The following MED13 variants were observed in gnomAD, a reference collection of about 807,000 sequenced individuals.
MED13 encodes mediator complex subunit 13.
Under a neutral mutation model 225.2 loss-of-function variants are expected in MED13, and 23 were observed. The observed-to-expected ratio is 0.10, with a 90% CI of 0.07 to 0.14. The LOEUF is 0.14. MED13 is among the 10% of genes least tolerant of loss of function. The pLI, the probability that MED13 is intolerant of heterozygous loss-of-function variation, is 1.00. For missense variants in MED13, 2,197 were observed against 2,594.5 expected, an observed-to-expected ratio of 0.85 and a Z score of 3.33; for synonymous variants, 942 against 889.2, an observed-to-expected ratio of 1.06 and a Z score of -1.06.
At chr17:62,043,156 C>CAAAAAAAAAAAAAAAAAAAAAAAAAAA (rs764530614) in intron 3 of MED13, among the ~76,000 whole-genome samples, 1 of 31,662 alleles carries the variant, frequency 3.2e-5, no homozygotes, top group Non-Finnish European at 5.6e-5. Context: ...ACCCTGTCTC[C>CAAAAAAAAAAAAAAAAAAAAAAAAAAA]AAAAAAAAAA....
At chr17:61,979,728 T>G (rs1319413158) in intron 16 of MED13, among the ~76,000 whole-genome samples, 1 of 152,146 alleles carries the variant, frequency 6.6e-6, no homozygotes, top group Non-Finnish European at 1.5e-5. Flanking sequence ...CCCAGAAAAT[T>G]GTCTAAGTTT....
At chr17:61,956,746 A>C (rs1283108335) in intron 23 of MED13, among the ~76,000 whole-genome samples, 2 of 152,060 alleles carry the variant, frequency 1.3e-5, no homozygotes, top group Admixed American at 6.6e-5. Flanking sequence ...TCACCGCGTT[A>C]GCCAGGATGG....
chr17:62,046,288 G>GT lies in MED13; in HGVS notation c.470+6248dup, dbSNP rs576991509. 9.9e-5 allele frequency among the ~76,000 whole-genome samples: 15 copies of GT among 152,222 alleles called. No homozygotes were observed. In the South Asian group the frequency reaches 2.1e-3, roughly 21 times the overall value. On this transcript the variant is annotated intron_variant, in intron 3 of 29. Coordinates refer to ENST00000397786, the MANE Select transcript of MED13 (RefSeq NM_005121.3). ...TTGCTTTTCCAAAGAAGGAAAAAGG[G>GT]TAAGAAAGTTCCTGTAAAAAAGAGA...
At chr17:62,007,764 C>T (rs1053634798) in intron 9 of MED13, among the ~76,000 whole-genome samples, 5 of 151,944 alleles carry the variant, frequency 3.3e-5, no homozygotes, top group African/African-American at 9.7e-5. Context: ...AGGAAAATGG[C>T]GTGAACCCGG....
chr17:61,991,998 A>G (rs1184101410), intron 11 of MED13, among the ~76,000 whole-genome samples: 5 of 152,246 alleles, frequency 3.3e-5, no homozygotes, highest in African/African-American at 7.2e-5. Context: ...GAGAACTGAT[A>G]GTCTTCGAAT....
chr17:62,042,298 T>G (rs1288599837), intron 3 of MED13, among the ~76,000 whole-genome samples: 1 of 152,102 alleles, frequency 6.6e-6, no homozygotes, highest in African/African-American at 2.4e-5. Flanking sequence ...GCACGGGGGC[T>G]GATGCCTGTA....
At chr17:62,054,927 G>A (rs1200397899) in intron 2 of MED13, among the ~76,000 whole-genome samples, 1 of 152,112 alleles carries the variant, frequency 6.6e-6, no homozygotes, top group East Asian at 1.9e-4. Context: ...AAGCATCAAA[G>A]ACCCAAGACA....
intron 16 of MED13, among the ~76,000 whole-genome samples, chr17:61,976,859 T>C (rs1199108178): frequency 6.6e-6 from 1 of 152,002 alleles, no homozygotes; most frequent in Non-Finnish European, 1.5e-5. Context: ...GTGATCCCGG[T>C]AGGCGGAGCT....
chr17:62,000,480 T>G (rs1466803002), intron 9 of MED13, among the ~76,000 whole-genome samples: 1 of 152,170 alleles, frequency 6.6e-6, no homozygotes, highest in Non-Finnish European at 1.5e-5. Context: ...ATAGCTAAAG[T>G]CATGTAGTAC....
chr17:61,947,106 A>C (rs1224325623), intron 28 of MED13, 89 bp from the exon 29 acceptor site: 1 of 855,856 alleles, frequency 1.2e-6, no homozygotes, highest in Non-Finnish European at 1.9e-6. Context: ...ATATCTTATA[A>C]AATGATGAAA....
Position 61,972,881 on chromosome 17 carries a change from A to G in MED13, c.3813T>C (p.Ser1271=). The change falls in exon 17 of 30, where the codon AGT becomes AGC. Residue 1271 remains serine, a synonymous_variant. Coordinates refer to ENST00000397786, the MANE Select transcript of MED13 (RefSeq NM_005121.3). ...LHPWSKRNDV[S]MQCSQDILRM... is the part of the protein sequence containing the mutation. Reference sequence around the variant, plus strand: ...GAAGTATATCCTGTGAGCACTGCATACTCACATCTACAAGCATTTTAAAAA... The same window carrying G: ...GAAGTATATCCTGTGAGCACTGCATGCTCACATCTACAAGCATTTTAAAAA... 6.3e-7 allele frequency: 1 copy of G among 1,584,072 alleles called. No homozygotes were observed. Among genetic ancestry groups the G allele is most frequent in the African/African-American group, 1.4e-5 (1 of 73,300 alleles).
rs571037608 is a variant in MED13, at chr17:62,035,397, A to T, written c.616+66T>A. ...GAATTCCATCAATCCCCAAATGTAA[A>T]ATTATGAAGTCAAATAAGGATCTTT... On this transcript the variant is annotated intron_variant, in intron 4 of 29. Transcript: ENST00000397786. 2.3e-6 allele frequency: 3 copies of T among 1,326,162 alleles called. No individual in the cohort carries two copies. In the Admixed American group the frequency reaches 7.3e-5, roughly 32 times the overall value. 82.1% of individuals were successfully genotyped at this position (1,326,162 alleles called of 1,614,324 possible). A position where few individuals can be genotyped will look rare whatever the true frequency, so the allele number is the denominator to read the frequency against.
chr17:62,065,109 T>C, intron 1 of MED13, 31 bp downstream of exon 1: 1 of 1,502,564 alleles, frequency 6.7e-7, no homozygotes, highest in Non-Finnish European at 8.9e-7. Context: ...GCGGCCCCCC[T>C]CCCTCGGCGC....
chr17:62,019,401 A>C (rs1323165994), intron 8 of MED13, among the ~76,000 whole-genome samples: 3 of 152,198 alleles, frequency 2.0e-5, no homozygotes. Context: ...AGATGTAATA[A>C]ACGTACTTTG....
In MED13 at chr17:61,995,372, A is replaced by T. The variant is rs755316820; in HGVS notation, c.1968-7T>A. ...CTTACATTGCACCATTAACCTGCAT[A>T]AAAAAATTAAAAAAAATTAATTATC... is the stretch of plus-strand genomic sequence containing the variant. On this transcript the variant is annotated splice_region_variant and splice_polypyrimidine_tract_variant and intron_variant, in intron 9 of 29. Coordinates refer to ENST00000397786, the MANE Select transcript of MED13 (RefSeq NM_005121.3). 4 of 1,539,914 alleles carry T rather than the reference A, an allele frequency of 2.6e-6. No homozygotes were observed. Among genetic ancestry groups the T allele is most frequent in the South Asian group, 1.2e-5 (1 of 81,620 alleles).
chr17:62,019,331 T>C (rs2080614600), intron 8 of MED13, among the ~76,000 whole-genome samples: 1 of 152,246 alleles, frequency 6.6e-6, no homozygotes, highest in Non-Finnish European at 1.5e-5. Flanking sequence ...TTCATGTTAA[T>C]ATGCACTGAA....
At chr17:61,975,810 G>A (rs1041969918) in intron 16 of MED13, among the ~76,000 whole-genome samples, 1 of 152,214 alleles carries the variant, frequency 6.6e-6, no homozygotes, top group African/African-American at 2.4e-5. Context: ...GAGGTCAGGA[G>A]TTTGAGACCA....
intron 2 of MED13, among the ~76,000 whole-genome samples, chr17:62,062,480 A>G (rs1189410136): frequency 6.6e-6 from 1 of 152,214 alleles, no homozygotes; most frequent in Non-Finnish European, 1.5e-5. Context: ...GTTTGACAGA[A>G]CAGTATATGA....
intron 26 of MED13, 62 bp downstream of exon 26, chr17:61,955,320 T>C (rs767399348): frequency 6.8e-6 from 9 of 1,315,666 alleles, no homozygotes; most frequent in Admixed American, 5.3e-5. Context: ...GTTTCAGGTA[T>C]TGGACATGAA....
Sources: gnomAD v4.1 joint callset for allele counts (sites outside exome capture counted in the v4.1 genomes callset) on GRCh38, gnomAD v4.1.1 for gene constraint, MANE v1.5 for transcripts, NCBI Gene and HGNC (gene_info 2026-07-23, HGNC 2026-07-21) for gene names.